Variants in FHL2 observed in about 807,000 individuals in gnomAD.
FHL2 encodes the protein four and a half LIM domains 2.
FHL2 carries 20 observed loss-of-function variants against 32.7 expected under a neutral mutation model. The observed-to-expected ratio is 0.61, with a 90% CI of 0.43 to 0.89. FHL2 has a LOEUF of 0.89. Among genes scored for constraint, FHL2 ranks in the 40% least tolerant of loss-of-function variants. FHL2 has a pLI of 0.00. For synonymous variants in FHL2, 123 were observed against 128.1 expected (o/e 0.96, Z 0.27); for missense variants, 311 against 358.6 (o/e 0.87, Z 1.07).
chr2:105,361,116 T>G lies in FHL2; in HGVS notation c.*167A>C. ...GTTTTCTCTTTCCCTGGGACTGAAC[T>G]ATCACAAAGCACTAAAGGGTTTAAG... On this transcript the variant is annotated 3_prime_UTR_variant, in exon 7 of 7. Coordinates refer to ENST00000530340, the MANE Select transcript of FHL2 (RefSeq NM_001318895.3). 1.6e-6 allele frequency: 1 copy of G among 617,840 alleles called. No homozygotes were observed. Among genetic ancestry groups the G allele is most frequent in the South Asian group, 2.6e-5 (1 of 37,802 alleles). The allele number at this position is 617,840 out of a possible 1,614,324, so 38.3% of individuals were successfully genotyped here. A position where few individuals can be genotyped will look rare whatever the true frequency, so the allele number is the denominator to read the frequency against.
chr2:105,368,091 A>T (rs953805646), intron 4 of FHL2, among the ~76,000 whole-genome samples: 4 of 152,234 alleles, frequency 2.6e-5, no homozygotes, highest in Non-Finnish European at 5.9e-5. Flanking sequence ...ATGAATTCCC[A>T]TGGAGCATGA....
Position 105,384,894 on chromosome 2 carries a change from G to A in FHL2, c.156+1467C>T, listed in dbSNP as rs550092553. The stretch of plus-strand genomic sequence containing the variant: ...GGCCACACAGCAAGTGAGACACAGA[G>A]CCTGGGCTGGAACTGGGCAGTCTGG... On this transcript the variant is annotated intron_variant, in intron 3 of 6. Coordinates refer to ENST00000530340, the MANE Select transcript of FHL2 (RefSeq NM_001318895.3). Among the ~76,000 whole-genome samples, 3 of 152,338 alleles carry A rather than the reference G, an allele frequency of 2.0e-5. No homozygotes were observed. The East Asian group carries it at 5.8e-4, about 29-fold the overall frequency.
At chr2:105,388,615 G>C (rs1276609867) in intron 2 of FHL2, among the ~76,000 whole-genome samples, 2 of 151,428 alleles carry the variant, frequency 1.3e-5, no homozygotes, top group East Asian at 1.9e-4. Flanking sequence ...CTGAGGTTGG[G>C]AGCTTGAGAC....
chr2:105,428,522 T>A (rs376872835), intron 1 of FHL2, among the ~76,000 whole-genome samples: 1 of 152,244 alleles, frequency 6.6e-6, no homozygotes, highest in African/African-American at 2.4e-5. Flanking sequence ...GGGCTCCTCA[T>A]AGGCCGCCAG....
chr2:105,373,715 G>A lies in FHL2; in HGVS notation c.175C>T (p.Arg59Trp), dbSNP rs753335287. 1.9e-5 allele frequency: 30 copies of A among 1,613,870 alleles called. No individual in the cohort carries two copies. Among genetic ancestry groups the A allele is most frequent in the Admixed American group, 5.0e-5 (3 of 59,994 alleles). The change falls in exon 4 of 7, where the codon CGG (arginine) becomes TGG (tryptophan). Residue 59 changes from arginine to tryptophan, a missense_variant. Physicochemically the swap from Arg to Trp is moderately radical, Grantham distance 101. Transcript: ENST00000530340. ...TGGAAACAGGCTTCATGCCAGTGCC[G>A]GTCCTTGTAAGACAAGTCCTGTGGG... ...CDCKDLSYKD[R>W]HWHEACFHCS...
At chr2:105,387,143 G>C (rs10173898) in intron 2 of FHL2, among the ~76,000 whole-genome samples, 1 of 152,038 alleles carries the variant, frequency 6.6e-6, no homozygotes, top group African/African-American at 2.4e-5. Flanking sequence ...GCAGGTAAGG[G>C]CTGACACCAG....
intron 1 of FHL2, among the ~76,000 whole-genome samples, chr2:105,397,276 C>T (rs1683207226): frequency 6.6e-6 from 1 of 152,122 alleles, no homozygotes; most frequent in African/African-American, 2.4e-5. Context: ...CCGGGAAACC[C>T]TGAGTTAAAG....
chr2:105,399,328 G>C, upstream of FHL2: 1 of 1,535,890 alleles, frequency 6.5e-7, no homozygotes, highest in Non-Finnish European at 8.7e-7. Flanking sequence ...AGTTTCGGAC[G>C]AGGCCTGGGC....
At chr2:105,421,412 T>G (rs1354029294) in intron 1 of FHL2, among the ~76,000 whole-genome samples, 1 of 152,200 alleles carries the variant, frequency 6.6e-6, no homozygotes, top group African/African-American at 2.4e-5. Context: ...GAAGGCCCAA[T>G]GCCTGAAGTT....
chr2:105,438,453 G>C, exon 1 of FHL2: 1 of 985,624 alleles, frequency 1.0e-6, no homozygotes, highest in Non-Finnish European at 1.2e-6. Flanking sequence ...AGGGACAGCT[G>C]CTGTGCAGGC....
chr2:105,438,050 A>G (rs1255969883), intron 1 of FHL2, among the ~76,000 whole-genome samples: 2 of 152,168 alleles, frequency 1.3e-5, no homozygotes, highest in African/African-American at 2.4e-5. Flanking sequence ...CCCTTAAAAA[A>G]TGTTTTCCGT....
At chr2:105,394,615 AAG>A (rs1048446662) in intron 2 of FHL2, among the ~76,000 whole-genome samples, 1 of 151,960 alleles carries the variant, frequency 6.6e-6, no homozygotes, top group African/African-American at 2.4e-5. Context: ...GAAAGAAAGA[AAG>A]AGAAAAAAGA....
chr2:105,385,244 C>T (rs1434469758), intron 3 of FHL2, among the ~76,000 whole-genome samples: 2 of 152,172 alleles, frequency 1.3e-5, no homozygotes, highest in Non-Finnish European at 2.9e-5. Context: ...GGAAACCATC[C>T]CTCAACTGTC....
chr2:105,367,746 T>C lies in FHL2; in HGVS notation c.332-7A>G, dbSNP rs748658755. The C allele has an allele frequency of 7.8e-5, 125 of 1,612,646 alleles. 3 individuals carry two copies. The South Asian group carries it at 1.3e-3, about 17-fold the overall frequency. On this transcript the variant is annotated splice_polypyrimidine_tract_variant and splice_region_variant and intron_variant, in intron 4 of 6. Transcript: ENST00000530340. ...TACTCCATCTTGCGGGTACCTGTCA[T>C]CAGGGTCAAGAGGAACACAGCAGAG...
chr2:105,392,262 C>T (rs1369775080), intron 2 of FHL2, among the ~76,000 whole-genome samples: 1 of 152,192 alleles, frequency 6.6e-6, no homozygotes, highest in African/African-American at 2.4e-5. Context: ...CGTTTGAGCC[C>T]TGTAGTTCAA....
chr2:105,397,025 T>TTTTC (rs1683185708), intron 1 of FHL2: 1 of 241,814 alleles, frequency 4.1e-6, no homozygotes, highest in Non-Finnish European at 7.8e-6. Context: ...TTTTTTTTTT[T>TTTTC]TTTTTTGGCA....
chr2:105,386,687 C>G lies in FHL2; in HGVS notation c.-24-147G>C, dbSNP rs890386262. 9 of 635,832 alleles carry G rather than the reference C, an allele frequency of 1.4e-5. No homozygotes were observed. In the East Asian group the frequency reaches 2.6e-4, roughly 19 times the overall value. The allele number at this position is 635,832 out of a possible 1,614,324, so 39.4% of individuals were successfully genotyped here. ...GAATAATTAAAACTCACCCTTTAATCGGTCATAATTTTTAATGATAACACC... is the reference window on the plus strand; with the variant it reads ...GAATAATTAAAACTCACCCTTTAATGGGTCATAATTTTTAATGATAACACC... On this transcript the variant is annotated intron_variant, in intron 2 of 6. Coordinates refer to ENST00000530340, the MANE Select transcript of FHL2 (RefSeq NM_001318895.3).
At chr2:105,430,146 G>T (rs1174907357) in intron 1 of FHL2, among the ~76,000 whole-genome samples, 2 of 152,326 alleles carry the variant, frequency 1.3e-5, no homozygotes, top group Non-Finnish European at 2.9e-5. Context: ...AGGGACATTA[G>T]ACTTGAATCC....
intron 1 of FHL2, among the ~76,000 whole-genome samples, chr2:105,407,010 C>T (rs1449412282): frequency 6.6e-6 from 1 of 152,210 alleles, no homozygotes; most frequent in Non-Finnish European, 1.5e-5. Flanking sequence ...CTGTGAGCTC[C>T]TTAGGGGCAA....
Sources: allele counts gnomAD v4.1 joint callset (sites outside exome capture counted in the v4.1 genomes callset), GRCh38; gene constraint gnomAD v4.1.1; transcripts MANE v1.5; gene names NCBI Gene and HGNC (gene_info 2026-07-23, HGNC 2026-07-21).